DNMT1: variants seen among roughly 807,000 people sequenced by gnomAD.
DNMT1 encodes the protein DNA methyltransferase 1.
Under a neutral mutation model 205.3 loss-of-function variants are expected in DNMT1, and 24 were observed. That is an observed-to-expected ratio of 0.12 (90% confidence interval 0.08 to 0.16). The LOEUF (loss-of-function observed/expected upper bound fraction) is 0.16. Ranked by LOEUF, DNMT1 falls within the 10% of genes least tolerant of loss-of-function variation. DNMT1 has a pLI of 1.00. For synonymous variants in DNMT1, 817 were observed against 839.8 expected, an observed-to-expected ratio of 0.97 and a Z score of 0.47; for missense variants, 1,293 against 2,177.7, an observed-to-expected ratio of 0.59 and a Z score of 8.09.
At chr19:10,170,899 T>C (rs1468686394) in intron 9 of DNMT1, among the ~76,000 whole-genome samples, 2 of 152,108 alleles carry the variant, frequency 1.3e-5, no homozygotes, top group Admixed American at 1.3e-4. Flanking sequence ...GCTCAAGTGA[T>C]CTTCCTGCCT....
intron 2 of DNMT1, among the ~76,000 whole-genome samples, chr19:10,181,190 A>C (rs1367920620): frequency 6.6e-6 from 1 of 152,200 alleles, no homozygotes; most frequent in African/African-American, 2.4e-5. Flanking sequence ...TCACACCTAT[A>C]ATCCCAGCAC....
chr19:10,145,669 A>G (rs2038182651), intron 28 of DNMT1, among the ~76,000 whole-genome samples: 1 of 152,130 alleles, frequency 6.6e-6, no homozygotes, highest in South Asian at 2.1e-4. Flanking sequence ...CAGGTACTGT[A>G]TGGAGCACTT....
chr19:10,179,492 C>A (rs572298722), intron 5 of DNMT1, among the ~76,000 whole-genome samples: 1 of 152,056 alleles, frequency 6.6e-6, no homozygotes, highest in South Asian at 2.1e-4. Flanking sequence ...CCTTGGCCAC[C>A]CAAAGTGCAG....
At chr19:10,141,294 G>A in intron 30 of DNMT1, 105 bp from the exon 31 acceptor site, 1 of 1,173,204 alleles carries the variant, frequency 8.5e-7, no homozygotes, top group Non-Finnish European at 1.3e-6. Flanking sequence ...TTCTCCCTCA[G>A]TGGGGCCATG....
rs370786558 is a variant in DNMT1, at chr19:10,142,180, C to T, written c.3157G>A (p.Ala1053Thr). The change falls in exon 30 of 41, where the codon GCA becomes ACA. Residue 1053 changes from alanine (A) to threonine (T), a missense_variant. This residue lies in a region of DNMT1 where 167 missense variants were observed against 258.1 expected (regional missense o/e 0.65). Coordinates refer to ENST00000359526, the MANE Select transcript of DNMT1 (RefSeq NM_001130823.3). The stretch of plus-strand genomic sequence containing the variant: ...CTCCAGTAGAGCAGGTTGATGTCTG[C>T]GTGGTAGCTCGCTGGAGTGGACTTG... ...THKSTPASYH[A>T]DINLLYWSDE... 24 of 1,613,892 alleles carry T rather than the reference C, an allele frequency of 1.5e-5. No homozygotes were observed. Among genetic ancestry groups the T allele is most frequent in the African/African-American group, 6.7e-5 (5 of 74,920 alleles).
At chr19:10,173,512 G>A (rs2038869430) in intron 8 of DNMT1, among the ~76,000 whole-genome samples, 1 of 146,510 alleles carries the variant, frequency 6.8e-6, no homozygotes, top group African/African-American at 2.5e-5. Flanking sequence ...TTTTTTTTGA[G>A]ATGGAGTCTT....
rs367898669 is a variant in DNMT1 at position 10,186,080 on chromosome 19, G to A, written c.81-4003C>T. ...ACTGGAAGGACATGGCTTCTACCTC[G>A]ACCAAGCCAGCCAGTCCCCTGATCC... On this transcript the variant is annotated intron_variant, in intron 1 of 40. Transcript: ENST00000359526. 2.0e-4 allele frequency among the ~76,000 whole-genome samples: 30 copies of A among 152,242 alleles called. No individual in the cohort carries two copies. In the East Asian group the frequency reaches 4.6e-3, roughly 23 times the overall value.
rs201774098 is a variant in DNMT1, at chr19:10,133,690, C to T, written c.4876G>A (p.Glu1626Lys). Residue 1626 changes from glutamate to lysine, a missense_variant, in exon 41 of 41, where the codon GAG becomes AAG. By Grantham distance (56) the Glu-to-Lys change is moderately conservative (BLOSUM62 1). This residue lies in a region of DNMT1 where 37 missense variants were observed against 36.3 expected (regional missense o/e 1.02). Coordinates refer to ENST00000359526, the MANE Select transcript of DNMT1 (RefSeq NM_001130823.3). This position sits in a 1 kb window ranked among gnomAD's most constrained non-coding sequence, Gnocchi z 4.1. The stretch of plus-strand genomic sequence containing the variant: ...AACTAGTCCTTAGCAGCTTCCTCCT[C>T]CTTTATTTTAGCTGAAGGGAAATAA... ...ARESASAKIKEEEAAKD is the reference protein window; with the variant it reads ...ARESASAKIKKEEAAKD The T allele has an allele frequency of 1.0e-4, 165 of 1,595,404 alleles. 1 individual carries two copies. Among genetic ancestry groups the T allele is most frequent in the Non-Finnish European group, 2.3e-5 (27 of 1,170,076 alleles).
At chr19:10,141,675 G>A in intron 30 of DNMT1, 1 of 342,006 alleles carries the variant, frequency 2.9e-6, no homozygotes, top group East Asian at 6.7e-5. Flanking sequence ...AGGAGCAGGG[G>A]CACCTTCTCC....
chr19:10,139,282 C>A (rs552153229), intron 34 of DNMT1, among the ~76,000 whole-genome samples: 8 of 152,222 alleles, frequency 5.3e-5, no homozygotes, highest in Non-Finnish European at 1.5e-5. Context: ...TTAAACCAAT[C>A]GAACAGCTGC....
chr19:10,181,546 A>C (rs906906964), intron 2 of DNMT1, among the ~76,000 whole-genome samples: 15 of 142,060 alleles, frequency 1.1e-4, no homozygotes, highest in Non-Finnish European at 2.2e-4. Context: ...AAAAAAAAAA[A>C]CCTGGGCCAG....
rs61750051 is a variant in DNMT1, at chr19:10,149,576, G to A, written c.2463C>T (p.Leu821=). ...HWFCAGTDTV[L]GATSDPLELF... ...GCTCCAGAGGGTCCGACGTGGCCCCGAGGACTGTGTCTGTCCCAGCGCAGA... is the reference window on the plus strand; with the variant it reads ...GCTCCAGAGGGTCCGACGTGGCCCCAAGGACTGTGTCTGTCCCAGCGCAGA... The change falls in exon 26 of 41, where the codon CTC becomes CTT. Residue 821 remains leucine (L), a synonymous_variant. Coordinates refer to ENST00000359526, the MANE Select transcript of DNMT1 (RefSeq NM_001130823.3). The A allele has an allele frequency of 2.9e-3, 4,616 of 1,613,598 alleles. 30 individuals carry two copies. Among genetic ancestry groups the A allele is most frequent in the Non-Finnish European group, 2.9e-3 (3,366 of 1,179,912 alleles).
intron 2 of DNMT1, among the ~76,000 whole-genome samples, 200 bp downstream of exon 2, chr19:10,181,838 AAAC>A (rs948547697): frequency 6.6e-6 from 1 of 152,038 alleles, no homozygotes; most frequent in Non-Finnish European, 1.5e-5. Context: ...CAAAAAACAA[AAAC>A]AACAACAAAA....
Position 10,154,613 on chromosome 19 carries a change from T to C in DNMT1, c.1805A>G (p.Lys602Arg). 1 of 1,614,054 alleles carries C rather than the reference T, an allele frequency of 6.2e-7. No individual in the cohort carries two copies. Reference sequence around the variant, plus strand: ...CTGTCCCAGCGTGACCCCAGCCAGCTTGATCAGGTCCCGCATGCAGGGTGT... The same window carrying C: ...CTGTCCCAGCGTGACCCCAGCCAGCCTGATCAGGTCCCGCATGCAGGGTGT... ...FLTPCMRDLI[K>R]LAGVTLGQRR... Residue 602 changes from lysine (K) to arginine (R), a missense_variant, in exon 21 of 41, where the codon AAG (lysine) becomes AGG (arginine). By Grantham distance (26) the Lys-to-Arg change is conservative. Around this residue, in one of 13 missense-constraint regions of DNMT1, gnomAD observed 197 missense variants for 353.6 expected, o/e 0.56. Coordinates refer to ENST00000359526, the MANE Select transcript of DNMT1 (RefSeq NM_001130823.3). The surrounding 1 kb of genome is among the most constrained non-coding windows in gnomAD (Gnocchi z 6.3).
At chr19:10,187,313 G>A in intron 1 of DNMT1, among the ~76,000 whole-genome samples, 1 of 151,990 alleles carries the variant, frequency 6.6e-6, no homozygotes, top group East Asian at 1.9e-4. Flanking sequence ...CTGAAATACA[G>A]CAGACCATGG....
rs2089478298 is a variant in DNMT1 at position 10,136,193 on chromosome 19, G to A, written c.4584C>T (p.Gly1528=). 3 of 1,614,136 alleles carry A rather than the reference G, an allele frequency of 1.9e-6. No individual in the cohort carries two copies. Among genetic ancestry groups the A allele is most frequent in the Middle Eastern group, 1.6e-4 (1 of 6,062 alleles). The part of the protein sequence containing the change: ...HTGNRHNHWA[G]LYGRLEWDGF... The stretch of plus-strand genomic sequence containing the variant: ...CGTCCCACTCGAGCCTTCCATAGAG[G>A]CCAGCCCAGTGGTTGTGCCGGTTCC... Residue 1528 remains glycine, a synonymous_variant, in exon 38 of 41, where the codon GGC becomes GGT. Coordinates refer to ENST00000359526, the MANE Select transcript of DNMT1 (RefSeq NM_001130823.3).
chr19:10,169,523 C>G (rs547659937), intron 9 of DNMT1, among the ~76,000 whole-genome samples: 49 of 151,932 alleles, frequency 3.2e-4, no homozygotes, highest in African/African-American at 1.1e-3. Flanking sequence ...TGCCACTGCA[C>G]TCCAGCCTGG....
At chr19:10,139,473 A>G (rs1251548812) in intron 34 of DNMT1, among the ~76,000 whole-genome samples, 1 of 152,238 alleles carries the variant, frequency 6.6e-6, no homozygotes, top group Non-Finnish European at 1.5e-5. Context: ...ACAGCTCAAG[A>G]GACACTAGCG....
At chr19:10,139,965 T>G in intron 33 of DNMT1, 81 bp downstream of exon 33, 1 of 1,599,472 alleles carries the variant, frequency 6.3e-7, no homozygotes, top group Non-Finnish European at 8.5e-7. Context: ...GAGGCCTCAG[T>G]GCAGGGCGAA....
Sources: gnomAD v4.1 joint callset for allele counts (sites outside exome capture counted in the v4.1 genomes callset) on GRCh38, gnomAD v4.1.1 for gene constraint, gnomAD v4.1.1 regional missense constraint, Gnocchi (gnomAD v3.1) non-coding constraint, MANE v1.5 for transcripts, NCBI Gene and HGNC (gene_info 2026-07-23, HGNC 2026-07-21) for gene names.